The following SYT16 variants were observed in gnomAD, a reference collection of about 807,000 sequenced individuals.
The protein encoded by SYT16 is synaptotagmin 16.
SYT16 carries 42 observed loss-of-function variants against 61.4 expected under a neutral mutation model. The observed-to-expected ratio is 0.68, with a 90% CI of 0.53 to 0.89. The LOEUF (loss-of-function observed/expected upper bound fraction) is 0.89. Among genes scored for constraint, SYT16 ranks in the 40% least tolerant of loss-of-function variants. The probability of loss-of-function intolerance (pLI) is 0.00; values close to 1 mark genes in which losing one functional copy is unlikely to be tolerated. For synonymous variants in SYT16, 314 were observed against 302.3 expected (o/e 1.04, Z -0.40); for missense variants, 804 against 807.3 (o/e 1.00, Z 0.05).
At chr14:61,982,475 A>C (rs1003806694) in intron 2 of SYT16, among the ~76,000 whole-genome samples, 2 of 152,170 alleles carry the variant, frequency 1.3e-5, no homozygotes, top group Non-Finnish European at 2.9e-5. Flanking sequence ...TTATAAAACC[A>C]TCATATCTCA....
At chr14:62,082,722 A>C (rs1026963153) in intron 6 of SYT16, among the ~76,000 whole-genome samples, 2 of 152,144 alleles carry the variant, frequency 1.3e-5, no homozygotes, top group African/African-American at 4.8e-5. Context: ...ATCAGAAGGG[A>C]TCCTGCGTGA....
chr14:62,062,692 TTATCCTTATTTC>T (rs1453941719), intron 3 of SYT16, among the ~76,000 whole-genome samples: 1 of 152,208 alleles, frequency 6.6e-6, no homozygotes, highest in Non-Finnish European at 1.5e-5. Context: ...GCTTTTTTTT[TTATCCTTATTTC>T]TATCCTTATC....
chr14:62,072,841 T>G (rs2140949842), intron 4 of SYT16, among the ~76,000 whole-genome samples: 1 of 152,288 alleles, frequency 6.6e-6, no homozygotes, highest in Admixed American at 6.5e-5. Context: ...TGGGGTTTTA[T>G]TCCATCAAAG....
rs111433154 is a variant in SYT16, at chr14:61,925,300, C to T, written c.-324-44832C>T. ...TATGCTGAGGTTGGAAAGTGTTAAG[C>T]CTGAAAAGAGAGCTTTTTGGCAGTA... is the stretch of plus-strand genomic sequence containing the variant. On this transcript the variant is annotated intron_variant, in intron 1 of 7. Transcript: ENST00000683842. Among the ~76,000 whole-genome samples the T allele has an allele frequency of 8.9e-3, 1,359 of 152,232 alleles. 11 individuals carry two copies. The highest frequency in any genetic ancestry group is 0.034 in the Middle Eastern group (10 of 294).
At chr14:61,976,748 G>T (rs185952621) in intron 2 of SYT16, among the ~76,000 whole-genome samples, 1 of 152,202 alleles carries the variant, frequency 6.6e-6, no homozygotes, top group East Asian at 1.9e-4. Context: ...TGATGGGAAG[G>T]GCTGCCATGA....
chr14:61,915,272 C>A (rs1485925998), intron 1 of SYT16, among the ~76,000 whole-genome samples: 1 of 152,014 alleles, frequency 6.6e-6, no homozygotes, highest in Non-Finnish European at 1.5e-5. Flanking sequence ...GCAACAAAGA[C>A]CCTGTTCTCA....
At chr14:62,036,252 G>A (rs1275814647) in intron 3 of SYT16, among the ~76,000 whole-genome samples, 2 of 152,158 alleles carry the variant, frequency 1.3e-5, no homozygotes, top group African/African-American at 2.4e-5. Flanking sequence ...TATGGGAGCA[G>A]AGACATCCTG....
intron 1 of SYT16, among the ~76,000 whole-genome samples, chr14:61,880,934 T>C (rs2047676032): frequency 6.6e-6 from 1 of 152,158 alleles, no homozygotes; most frequent in Admixed American, 6.5e-5. Context: ...TTGATTGACA[T>C]GTAGCATACA....
chr14:61,890,443 C>G (rs563405752), intron 1 of SYT16, among the ~76,000 whole-genome samples: 2 of 151,312 alleles, frequency 1.3e-5, no homozygotes, highest in East Asian at 3.9e-4. Context: ...TCCCTGAGTT[C>G]CAGATACAGG....
intron 3 of SYT16, among the ~76,000 whole-genome samples, chr14:62,046,860 T>C (rs914512180): frequency 2.0e-4 from 30 of 152,238 alleles, no homozygotes; most frequent in African/African-American, 6.5e-4. Flanking sequence ...ACTGTAGCCT[T>C]GTAGTATAGT....
intron 1 of SYT16, among the ~76,000 whole-genome samples, chr14:61,910,345 TCTC>T (rs1261806686): frequency 2.7e-5 from 4 of 150,674 alleles, no homozygotes; most frequent in Non-Finnish European, 5.9e-5. Flanking sequence ...TTCAAGCAAT[TCTC>T]CTGCCTCAGC....
intron 1 of SYT16, among the ~76,000 whole-genome samples, chr14:61,834,420 G>A (rs1180032377): frequency 7.0e-6 from 1 of 143,056 alleles, no homozygotes; most frequent in Admixed American, 6.9e-5. Flanking sequence ...ATGAGCCACC[G>A]TGCCTGGCTT....
intron 1 of SYT16, among the ~76,000 whole-genome samples, chr14:61,857,380 G>A (rs1385817271): frequency 6.6e-6 from 1 of 152,210 alleles, no homozygotes; most frequent in African/African-American, 2.4e-5. Flanking sequence ...TAATGAGCAC[G>A]GAACCAACTG....
intron 3 of SYT16, among the ~76,000 whole-genome samples, chr14:62,015,103 G>A (rs540082601): frequency 6.6e-6 from 1 of 152,262 alleles, no homozygotes; most frequent in Admixed American, 6.5e-5. Context: ...TTTTCTGGCA[G>A]TTAGCTGCTT....
intron 1 of SYT16, among the ~76,000 whole-genome samples, chr14:61,915,436 G>T (rs1221089734): frequency 6.6e-6 from 1 of 151,960 alleles, no homozygotes; most frequent in Admixed American, 6.6e-5. Context: ...GAAATTCTTT[G>T]AATTTATAAA....
intron 1 of SYT16, among the ~76,000 whole-genome samples, chr14:61,844,205 T>C (rs2046376081): frequency 6.6e-6 from 1 of 152,196 alleles, no homozygotes; most frequent in Non-Finnish European, 1.5e-5. Flanking sequence ...ACTGTTGTCA[T>C]GTAGAAATGC....
intron 2 of SYT16, among the ~76,000 whole-genome samples, chr14:61,973,906 GA>G (rs1233647071): frequency 5.9e-5 from 9 of 152,192 alleles, no homozygotes; most frequent in Middle Eastern, 3.2e-3. Context: ...CAGACCCTGA[GA>G]AGGAGGACAG....
At chr14:61,890,573 CTTTT>C in intron 1 of SYT16, among the ~76,000 whole-genome samples, 1 of 150,256 alleles carries the variant, frequency 6.7e-6, no homozygotes, top group African/African-American at 2.4e-5. Flanking sequence ...AAAAGAAGCT[CTTTT>C]GAGCTTCTTT....
intron 1 of SYT16, among the ~76,000 whole-genome samples, chr14:61,909,298 T>C (rs1030832919): frequency 6.6e-6 from 1 of 152,222 alleles, no homozygotes; most frequent in African/African-American, 2.4e-5. Context: ...GTGGCCATCA[T>C]AACAAATTAC....
Sources: gnomAD v4.1 joint callset for allele counts (sites outside exome capture counted in the v4.1 genomes callset) on GRCh38, gnomAD v4.1.1 for gene constraint, MANE v1.5 for transcripts, NCBI Gene and HGNC (gene_info 2026-07-23, HGNC 2026-07-21) for gene names.